Variants in CD74 observed in about 807,000 individuals in gnomAD.
The protein encoded by CD74 is HLA class II histocompatibility antigen gamma chain.
In CD74, 20 loss-of-function variants were observed where a neutral mutation model predicts 37.1. The observed-to-expected ratio is 0.54, with a 90% CI of 0.38 to 0.78. CD74 has a LOEUF of 0.78. CD74 is among the 30% of genes least tolerant of loss of function. CD74 has a pLI of 0.00. For synonymous variants in CD74, 150 were observed against 152.0 expected (o/e 0.99, Z 0.10); for missense variants, 338 against 389.5 (o/e 0.87, Z 1.11).
intron 4 of CD74, chr5:150,405,714 AAG>A (rs1187870398): frequency 6.3e-6 from 1 of 157,574 alleles, no homozygotes; most frequent in African/African-American, 2.4e-5. Context: ...GGGAGAAAAA[AAG>A]GGTGTCTTGA....
intron 1 of CD74, among the ~76,000 whole-genome samples, chr5:150,410,368 G>A (rs1338861752): frequency 6.6e-6 from 1 of 152,128 alleles, no homozygotes; most frequent in Non-Finnish European, 1.5e-5. Context: ...CTCTGGAGTC[G>A]GTTAGTTCTG....
intron 5 of CD74, 61 bp downstream of exon 5, chr5:150,405,024 C>CAAAA: frequency 2.2e-6 from 3 of 1,370,018 alleles, no homozygotes; most frequent in Non-Finnish European, 3.1e-6. Context: ...CCCCACCTCT[C>CAAAA]CTAGCCCTGC....
In CD74 at chr5:150,401,888, G is replaced by T; in HGVS notation, c.*352C>A. On this transcript the variant is annotated 3_prime_UTR_variant, in exon 9 of 9. Transcript: ENST00000009530. ...ATGTCCAGCCTGGGGTCTGGGTGTA[G>T]GGTTATCCCTTCTCCCTGTGCCTTC... 1.4e-6 allele frequency: 1 copy of T among 734,794 alleles called. No homozygotes were observed. The highest frequency in any genetic ancestry group is 2.4e-6 in the Non-Finnish European group (1 of 414,872). The allele number at this position is 734,794 out of a possible 1,614,324, so 45.5% of individuals were successfully genotyped here.
Position 150,412,624 on chromosome 5 carries a change from C to T in CD74, c.125+1G>A, listed in dbSNP as rs112138942. ...TGCCCTTTCCTGGTGCTCACACATA[C>T]CTCTCCGGGGCCCCAGGGCGCCGGC... On this transcript the variant is annotated splice_donor_variant, in intron 1 of 8. Coordinates refer to ENST00000009530, the MANE Select transcript of CD74 (RefSeq NM_001025159.3). LOFTEE classifies it high-confidence loss of function. The T allele has an allele frequency of 6.2e-7, 1 of 1,610,488 alleles. No individual in the cohort carries two copies. The highest frequency in any genetic ancestry group is 1.1e-5 in the South Asian group (1 of 91,032).
In CD74 at chr5:150,412,666, C is replaced by T; in HGVS notation, c.84G>A (p.Glu28=). 2.5e-6 allele frequency: 4 copies of T among 1,613,960 alleles called. No individual in the cohort carries two copies. The highest frequency in any genetic ancestry group is 3.4e-6 in the Non-Finnish European group (4 of 1,179,994). The change falls in exon 1 of 9, where the codon GAG becomes GAA. Residue 28 remains glutamate (E), a synonymous_variant. Coordinates refer to ENST00000009530, the MANE Select transcript of CD74 (RefSeq NM_001025159.3). The part of the protein sequence containing the change: ...DDQRDLISNN[E]QLPMLGRRPG... ...GGCGCCGGCCCAGCATGGGCAGTTG[C>T]TCATTGTTGGAGATAAGGTCGCGCT...
Position 150,412,757 on chromosome 5 carries a change from C to A in CD74, c.-8G>T. ...GCTTCTCCTCCTGTGCATCTGGGAC[C>A]CTGACCCCCCGGCTCGCCTCTTAAA... On this transcript the variant is annotated 5_prime_UTR_variant, in exon 1 of 9. Transcript: ENST00000009530. The A allele has an allele frequency of 6.2e-7, 1 of 1,613,806 alleles. No individual in the cohort carries two copies. The highest frequency in any genetic ancestry group is 8.5e-7 in the Non-Finnish European group (1 of 1,179,868).
chr5:150,404,193 C>A (rs774722118), intron 6 of CD74, among the ~76,000 whole-genome samples: 2 of 152,140 alleles, frequency 1.3e-5, no homozygotes, highest in Non-Finnish European at 2.9e-5. Flanking sequence ...GAGACAGCAC[C>A]GGGATAGAAA....
intron 1 of CD74, among the ~76,000 whole-genome samples, chr5:150,409,391 G>A (rs576721738): frequency 6.6e-6 from 1 of 152,162 alleles, no homozygotes; most frequent in Admixed American, 6.5e-5. Flanking sequence ...GCCGGACGTG[G>A]TGGCGAGCAC....
At position 150,401,812 on chromosome 5, in the gene CD74, A is replaced by G. The variant is rs1249935879; in HGVS notation, c.*428T>C. ...AAGAGAGTGGCTCAGCCTGCAGGTA[A>G]ATAGGCTAGAAAAGCCAAGGCCAAA... On this transcript the variant is annotated 3_prime_UTR_variant, in exon 9 of 9. Transcript: ENST00000009530. 1.6e-6 allele frequency: 1 copy of G among 627,616 alleles called. No individual in the cohort carries two copies. Among genetic ancestry groups the G allele is most frequent in the Non-Finnish European group, 2.9e-6 (1 of 349,420 alleles). 38.9% of individuals were successfully genotyped at this position (627,616 alleles called of 1,614,324 possible). A position where few individuals can be genotyped will look rare whatever the true frequency, so the allele number is the denominator to read the frequency against.
In CD74 at chr5:150,403,392, A is replaced by G. The variant is rs1769760149; in HGVS notation, c.626-80T>C. ...TCTGAGCAGAGCTAAAGACCCACAC[A>G]CCACTGCTGTGGGCTTAATGCCTTC... On this transcript the variant is annotated intron_variant, in intron 6 of 8. Coordinates refer to ENST00000009530, the MANE Select transcript of CD74 (RefSeq NM_001025159.3). This position sits in a 1 kb window ranked among gnomAD's most constrained non-coding sequence, Gnocchi z 4.5. The G allele has an allele frequency of 1.1e-5, 13 of 1,233,378 alleles. No individual in the cohort carries two copies. The highest frequency in any genetic ancestry group is 1.5e-5 in the Non-Finnish European group (13 of 840,416). 76.4% of individuals were successfully genotyped at this position (1,233,378 alleles called of 1,614,324 possible).
Position 150,406,931 on chromosome 5 carries a change from C to A in CD74, c.328G>T (p.Ala110Ser). ...AGCGCCTGCATCAGCAGCGGGGTGG[C>A]CATGCGCATCTTGCTCACAGGCTTG... ...PPKPVSKMRMATPLLMQALPM... is the reference protein window; with the variant it reads ...PPKPVSKMRMSTPLLMQALPM... Residue 110 changes from alanine (A) to serine (S), a missense_variant, in exon 3 of 9, where the codon GCC becomes TCC. Ala to Ser is a moderately conservative substitution (Grantham distance 99). Coordinates refer to ENST00000009530, the MANE Select transcript of CD74 (RefSeq NM_001025159.3). The A allele has an allele frequency of 6.4e-7, 1 of 1,553,126 alleles. No individual in the cohort carries two copies. The highest frequency in any genetic ancestry group is 8.6e-7 in the Non-Finnish European group (1 of 1,156,120).
In CD74 at chr5:150,407,249, G is replaced by A. The variant is rs778431769; in HGVS notation, c.201C>T (p.Thr67=). The A allele has an allele frequency of 3.1e-5, 50 of 1,613,638 alleles. No individual in the cohort carries two copies. Among genetic ancestry groups the A allele is most frequent in the East Asian group, 1.3e-4 (6 of 44,886 alleles). ...VTLLLAGQAT[T]AYFLYQQQGR... is the part of the protein sequence containing the mutation. ...CCTGCTGCTGGTACAGGAAGTAGGC[G>A]GTGGTGGCCTGGCCAGCGAGGAGCA... Residue 67 remains threonine (T), a synonymous_variant, in exon 2 of 9, where the codon ACC becomes ACT. Transcript: ENST00000009530. The surrounding 1 kb of genome is among the most constrained non-coding windows in gnomAD (Gnocchi z 4.4).
chr5:150,406,986 T>C, intron 2 of CD74, 26 bp from the exon 3 acceptor site: 1 of 1,567,772 alleles, frequency 6.4e-7, no homozygotes, highest in Non-Finnish European at 8.6e-7. Flanking sequence ...CGAGGGTAAG[T>C]GTGGCCCCGG....
chr5:150,404,686 G>T lies in CD74; in HGVS notation c.619C>A (p.Pro207Thr), dbSNP rs906819430. 2 of 1,571,570 alleles carry T rather than the reference G, an allele frequency of 1.3e-6. No homozygotes were observed. The highest frequency in any genetic ancestry group is 1.8e-5 in the Admixed American group (1 of 54,104). ...SLEQKPTDAPPKVLTKCQEEV... is the reference protein window; with the variant it reads ...SLEQKPTDAPTKVLTKCQEEV... ...AAGCTCCCACTCCCTGTACCTTTCG[G>T]TGGAGCGTCAGTGGGCTTTTGCTCC... The change falls in exon 6 of 9, where the codon CCG becomes ACG. Residue 207 changes from proline (P) to threonine (T), a missense_variant. Coordinates refer to ENST00000009530, the MANE Select transcript of CD74 (RefSeq NM_001025159.3).
intron 1 of CD74, 130 bp downstream of exon 1, chr5:150,412,495 A>G: frequency 1.4e-6 from 1 of 714,562 alleles, no homozygotes; most frequent in Non-Finnish European, 2.4e-6. Context: ...AAAATCACCC[A>G]AAAAGTCAAT....
Position 150,402,145 on chromosome 5 carries a change from G to C in CD74, c.*95C>G. ...CCAGGGTCTCATGGGATGAGGTACA[G>C]GGTGGGAGATGGGGGAGGGGCTGGG... On this transcript the variant is annotated 3_prime_UTR_variant, in exon 9 of 9. Transcript: ENST00000009530. The surrounding 1 kb of genome is among the most constrained non-coding windows in gnomAD (Gnocchi z 4.2). 1 of 1,552,676 alleles carries C rather than the reference G, an allele frequency of 6.4e-7. No homozygotes were observed. Among genetic ancestry groups the C allele is most frequent in the South Asian group, 1.2e-5 (1 of 83,894 alleles).
At position 150,405,225 on chromosome 5, in the gene CD74, TGGCA is replaced by T. The variant is rs1346554786; in HGVS notation, c.442-49_442-46del. On this transcript the variant is annotated intron_variant, in intron 4 of 8. Coordinates refer to ENST00000009530, the MANE Select transcript of CD74 (RefSeq NM_001025159.3). ...GAAGGATGGTTCAAGAAGAGCTCCCTGGCAGGCAGTGTGAAATGTGTAGCCCACG... is the reference window on the plus strand; with the variant it reads ...GAAGGATGGTTCAAGAAGAGCTCCCTGGCAGTGTGAAATGTGTAGCCCACG... The T allele has an allele frequency of 5.8e-6, 9 of 1,543,896 alleles. No homozygotes were observed. The East Asian group carries it at 6.9e-5, about 12-fold the overall frequency.
At position 150,406,868 on chromosome 5, in the gene CD74, G is replaced by A. The variant is rs370173329; in HGVS notation, c.378+13C>T. The A allele has an allele frequency of 9.5e-6, 14 of 1,478,160 alleles. No individual in the cohort carries two copies. Among genetic ancestry groups the A allele is most frequent in the African/African-American group, 7.0e-5 (5 of 71,206 alleles). 91.6% of individuals were successfully genotyped at this position (1,478,160 alleles called of 1,614,324 possible). ...TAACCTTGCCCCTCCCACCACCCTG[G>A]GGCTGTCCTTACCCCCTGGGGCAGG... On this transcript the variant is annotated intron_variant, in intron 3 of 8. Transcript: ENST00000009530.
intron 1 of CD74, among the ~76,000 whole-genome samples, chr5:150,411,399 T>C (rs1323180956): frequency 1.3e-5 from 2 of 152,212 alleles, no homozygotes; most frequent in African/African-American, 4.8e-5. Flanking sequence ...ACAGCTCTAA[T>C]GGTCTGCAGC....
Sources: gnomAD v4.1 joint callset for allele counts (sites outside exome capture counted in the v4.1 genomes callset) on GRCh38, gnomAD v4.1.1 for gene constraint, Gnocchi (gnomAD v3.1) non-coding constraint, MANE v1.5 for transcripts, NCBI Gene and HGNC (gene_info 2026-07-23, HGNC 2026-07-21) for gene names.